Variants in ABI1 observed in about 807,000 individuals in gnomAD.
ABI1 encodes the protein Abelson interactor 1.
In ABI1, 14 loss-of-function variants were observed where a neutral mutation model predicts 54.6. That is an observed-to-expected ratio of 0.26 (90% CI 0.17 to 0.40). The LOEUF (loss-of-function observed/expected upper bound fraction) is 0.40. ABI1 is among the 10% of genes least tolerant of loss of function. The probability of loss-of-function intolerance (pLI) is 1.00; values close to 1 mark genes in which losing one functional copy is unlikely to be tolerated. For missense variants in ABI1, 443 were observed against 598.3 expected (o/e 0.74, Z 2.71); for synonymous variants, 194 against 209.3 (o/e 0.93, Z 0.63).
chr10:26,823,201 C>G lies in ABI1; in HGVS notation c.222G>C (p.Gln74His). Residue 74 changes from glutamine to histidine, a missense_variant, in exon 2 of 11, where the codon CAG becomes CAC. Around this residue, in one of 2 missense-constraint regions of ABI1, gnomAD observed 394 missense variants for 484.8 expected, o/e 0.81. Coordinates refer to ENST00000376140, the MANE Select transcript of ABI1 (RefSeq NM_001012750.3). Reference protein sequence around the residue: ...QINALANNVLQLLDIQASQLR... With the variant: ...QINALANNVLHLLDIQASQLR... ...GCTGAGAGGCTTGGATATCCAGCAA[C>G]TGGAGTACATTGTTGGCCAATGCAT... The G allele has an allele frequency of 6.2e-7, 1 of 1,605,966 alleles. No homozygotes were observed. Among genetic ancestry groups the G allele is most frequent in the Non-Finnish European group, 8.5e-7 (1 of 1,177,376 alleles).
intron 1 of ABI1, among the ~76,000 whole-genome samples, chr10:26,854,337 T>A (rs577136879): frequency 6.8e-6 from 1 of 146,988 alleles, no homozygotes; most frequent in Non-Finnish European, 1.5e-5. Flanking sequence ...AAATATTATA[T>A]AGTCCTAAAA....
At chr10:26,818,867 A>G (rs550994439) in intron 2 of ABI1, among the ~76,000 whole-genome samples, 86 of 151,928 alleles carry the variant, frequency 5.7e-4, no homozygotes, top group Non-Finnish European at 1.1e-3. Flanking sequence ...GCGGGCACCC[A>G]TAATCCCAGC....
rs895834360 is a variant in ABI1 at position 26,800,500 on chromosome 10, G to A, written c.285+22638C>T. Among the ~76,000 whole-genome samples the A allele has an allele frequency of 4.4e-4, 67 of 152,130 alleles. 1 individual carries two copies. The highest frequency in any genetic ancestry group is 4.1e-3 in the Admixed American group (62 of 15,276). ...ATTTTCCAAAGTATCAAGGTCAGCC[G>A]CGCACGGTGGCTCACACCTATAATT... On this transcript the variant is annotated intron_variant, in intron 2 of 10. Coordinates refer to ENST00000376140, the MANE Select transcript of ABI1 (RefSeq NM_001012750.3).
intron 3 of ABI1, among the ~76,000 whole-genome samples, chr10:26,773,010 G>A (rs997768810): frequency 6.6e-6 from 1 of 151,962 alleles, no homozygotes; most frequent in Non-Finnish European, 1.5e-5. Flanking sequence ...CTAGAAAGTT[G>A]TGAGCTGTGA....
intron 7 of ABI1, chr10:26,763,767 T>C: frequency 1.1e-6 from 1 of 908,552 alleles, no homozygotes; most frequent in South Asian, 1.4e-5. Flanking sequence ...TTAAACTTTG[T>C]ATTATCACCT....
intron 2 of ABI1, among the ~76,000 whole-genome samples, chr10:26,801,086 T>C (rs971050703): frequency 2.0e-5 from 3 of 152,126 alleles, no homozygotes; most frequent in Non-Finnish European, 4.4e-5. Flanking sequence ...GAAGGAGACA[T>C]GACATTTAAT....
intron 1 of ABI1, among the ~76,000 whole-genome samples, chr10:26,839,107 G>A (rs1332798990): frequency 6.6e-6 from 1 of 152,164 alleles, no homozygotes; most frequent in Non-Finnish European, 1.5e-5. Flanking sequence ...TACACATAGG[G>A]TTCTATAAAT....
rs1837118876 is a variant in ABI1 at position 26,747,964 on chromosome 10, A to C, written c.*606T>G. On this transcript the variant is annotated 3_prime_UTR_variant, in exon 11 of 11. Coordinates refer to ENST00000376140, the MANE Select transcript of ABI1 (RefSeq NM_001012750.3). ...ACTTAGGTACAAATTACAACATTAC[A>C]GATAATTCTCTTTTTGCTTGTTTCA... is the stretch of plus-strand genomic sequence containing the variant. 1 of 174,352 alleles carries C rather than the reference A, an allele frequency of 5.7e-6. No individual in the cohort carries two copies. Among genetic ancestry groups the C allele is most frequent in the Non-Finnish European group, 1.1e-5 (1 of 92,528 alleles). 10.8% of individuals were successfully genotyped at this position (174,352 alleles called of 1,614,324 possible).
Position 26,860,560 on chromosome 10 carries a change from G to GCAGCCCGACTCCCT in ABI1, c.117+173_117+186dup, listed in dbSNP as rs930670590. Among the ~76,000 whole-genome samples the GCAGCCCGACTCCCT allele has an allele frequency of 6.6e-6, 1 of 152,020 alleles. No individual in the cohort carries two copies. The highest frequency in any genetic ancestry group is 2.4e-5 in the African/African-American group (1 of 41,366). On this transcript the variant is annotated intron_variant, in intron 1 of 10. Transcript: ENST00000376140. This position sits in a 1 kb window ranked among gnomAD's most constrained non-coding sequence, Gnocchi z 4.1. The stretch of plus-strand genomic sequence containing the variant: ...CACCACCACAGCCACTTCCTGTATC[G>GCAGCCCGACTCCCT]CAGCCCGACTCCCTCAGCCCGGCCA...
rs1842517552 is a variant in ABI1, at chr10:26,784,652, A to T, written c.286-7411T>A. ...AGTATTTCTTGTTTGGAAGTCGGGCATTGCCTCCCTTCAGAAAATGTGATG... is the reference window on the plus strand; with the variant it reads ...AGTATTTCTTGTTTGGAAGTCGGGCTTTGCCTCCCTTCAGAAAATGTGATG... On this transcript the variant is annotated intron_variant, in intron 2 of 10. Transcript: ENST00000376140. Among the ~76,000 whole-genome samples, 4 of 152,220 alleles carry T rather than the reference A, an allele frequency of 2.6e-5. No homozygotes were observed. The South Asian group carries it at 8.3e-4, about 31-fold the overall frequency.
chr10:26,762,993 A>C (rs920097170), intron 7 of ABI1, among the ~76,000 whole-genome samples: 3 of 152,096 alleles, frequency 2.0e-5, no homozygotes, highest in Non-Finnish European at 4.4e-5. Context: ...CTACCTTTTT[A>C]CCTGTCTGCT....
intron 1 of ABI1, among the ~76,000 whole-genome samples, chr10:26,826,137 C>T (rs966474980): frequency 3.3e-5 from 5 of 152,226 alleles, no homozygotes; most frequent in African/African-American, 9.6e-5. Flanking sequence ...AGAGGAATCA[C>T]TATCTAAGGC....
chr10:26,748,791 A>C, intron 10 of ABI1, 46 bp from the exon 11 acceptor site: 1 of 1,369,506 alleles, frequency 7.3e-7, no homozygotes, highest in Non-Finnish European at 1.0e-6. Flanking sequence ...ACTATATCCA[A>C]AATTTACTTG....
intron 2 of ABI1, among the ~76,000 whole-genome samples, chr10:26,789,739 C>T (rs1349430102): frequency 6.6e-6 from 1 of 152,068 alleles, no homozygotes; most frequent in African/African-American, 2.4e-5. Context: ...AGGTATTAAG[C>T]CTAGTATCCA....
chr10:26,839,989 C>T (rs1216146393), intron 1 of ABI1, among the ~76,000 whole-genome samples: 2 of 150,686 alleles, frequency 1.3e-5, no homozygotes, highest in African/African-American at 4.9e-5. Context: ...GATCCTGTAT[C>T]AAAAAAAACA....
At chr10:26,807,226 C>A (rs1025720365) in intron 2 of ABI1, among the ~76,000 whole-genome samples, 1 of 152,182 alleles carries the variant, frequency 6.6e-6, no homozygotes, top group African/African-American at 2.4e-5. Flanking sequence ...GTAATCCCAG[C>A]ACTTTTGGAG....
In ABI1 at chr10:26,749,884, A is replaced by G. The variant is rs576633517; in HGVS notation, c.1271-1139T>C. Among the ~76,000 whole-genome samples the G allele has an allele frequency of 7.2e-5, 11 of 152,334 alleles. 1 individual carries two copies. The South Asian group carries it at 2.3e-3, about 32-fold the overall frequency. On this transcript the variant is annotated intron_variant, in intron 10 of 10. Transcript: ENST00000376140. ...TGTGACAGAGACTGTATAGCCAGCA[A>G]AGTTTAAAATATTTACTATCTGGCT...
At chr10:26,818,569 T>G (rs4749188) in intron 2 of ABI1, among the ~76,000 whole-genome samples, 10,094 of 144,684 alleles carry the variant, frequency 0.07, 376 homozygotes, top group East Asian at 0.15. Flanking sequence ...GGGGCAAAGG[T>G]TGCAGTGAGG....
intron 2 of ABI1, among the ~76,000 whole-genome samples, chr10:26,791,053 A>G (rs1396735609): frequency 3.0e-5 from 4 of 133,830 alleles, no homozygotes; most frequent in African/African-American, 1.2e-4. Context: ...CCCAGGTAAG[A>G]GTAAGATTCC....
Sources: gnomAD v4.1 joint callset for allele counts (sites outside exome capture counted in the v4.1 genomes callset) on GRCh38, gnomAD v4.1.1 for gene constraint, gnomAD v4.1.1 regional missense constraint, Gnocchi (gnomAD v3.1) non-coding constraint, MANE v1.5 for transcripts, NCBI Gene and HGNC (gene_info 2026-07-23, HGNC 2026-07-21) for gene names.